The following SLC2A10 variants were observed in gnomAD, a reference collection of about 807,000 sequenced individuals.
SLC2A10 encodes solute carrier family 2, facilitated glucose transporter member 10.
Under a neutral mutation model 32.1 loss-of-function variants are expected in SLC2A10, and 25 were observed. That is an observed-to-expected ratio of 0.78 (90% CI 0.57 to 1.09). The LOEUF is 1.09. Ranked by LOEUF, SLC2A10 falls within the 50% of genes least tolerant of loss-of-function variation. SLC2A10 has a pLI of 0.00. For missense variants in SLC2A10, 673 were observed against 686.5 expected (o/e 0.98, Z 0.22); for synonymous variants, 332 against 309.6 (o/e 1.07, Z -0.76).
At chr20:46,714,898 C>A (rs1468969543) in intron 1 of SLC2A10, among the ~76,000 whole-genome samples, 2 of 152,194 alleles carry the variant, frequency 1.3e-5, no homozygotes, top group Non-Finnish European at 2.9e-5. Flanking sequence ...TTGGGGTTTT[C>A]CTGAGAGCTC....
rs879484986 is a variant in SLC2A10 at position 46,709,908 on chromosome 20, G to C, written c.4+168G>C. On this transcript the variant is annotated intron_variant, in intron 1 of 4. Coordinates refer to ENST00000359271, the MANE Select transcript of SLC2A10 (RefSeq NM_030777.4). ...CCGAGACTGCAGGCCTGCGGCGGGG[G>C]CTGGGACGGGGCTCGGTCGCGCTTC... 5.7e-6 allele frequency: 4 copies of C among 706,472 alleles called. No individual in the cohort carries two copies. In the East Asian group the frequency reaches 1.0e-4, roughly 18 times the overall value. 43.8% of individuals were successfully genotyped at this position (706,472 alleles called of 1,614,324 possible).
upstream of SLC2A10, chr20:46,709,567 G>T: frequency 1.2e-6 from 1 of 827,610 alleles, no homozygotes; most frequent in Non-Finnish European, 1.7e-6. Context: ...CTCGGGGCCT[G>T]GCTGGCCGAC....
At chr20:46,721,414 G>A (rs185635142) in intron 1 of SLC2A10, among the ~76,000 whole-genome samples, 23 of 151,576 alleles carry the variant, frequency 1.5e-4, no homozygotes, top group African/African-American at 4.8e-4. Context: ...ATGACTTGGG[G>A]GCCCTACAAA....
At chr20:46,712,651 C>CTTTT (rs11477202) in intron 1 of SLC2A10, among the ~76,000 whole-genome samples, 1,752 of 94,330 alleles carry the variant, frequency 0.019, no homozygotes, top group African/African-American at 0.021. Flanking sequence ...TTCTTTCTTT[C>CTTTT]TTTTTTTTTT....
intron 1 of SLC2A10, among the ~76,000 whole-genome samples, chr20:46,713,819 T>C (rs1477463104): frequency 1.3e-5 from 2 of 152,166 alleles, no homozygotes; most frequent in African/African-American, 4.8e-5. Context: ...AGGGCAGGGC[T>C]GGGGCCCCGG....
chr20:46,709,624 G>A, upstream of SLC2A10: 1 of 1,369,192 alleles, frequency 7.3e-7, no homozygotes. Context: ...AGGAGGGACA[G>A]AGGCGGGGGC....
In SLC2A10 at chr20:46,724,668, TGGA is replaced by T. The variant is rs1568984426; in HGVS notation, c.5-372_5-370del. On this transcript the variant is annotated intron_variant, in intron 1 of 4. Coordinates refer to ENST00000359271, the MANE Select transcript of SLC2A10 (RefSeq NM_030777.4). ...ATGGATGGATGGATGGATGGATGGATGGATGGTTGGAGTGGATGGATAGATGGA... is the reference window on the plus strand; with the variant it reads ...ATGGATGGATGGATGGATGGATGGATTGGTTGGAGTGGATGGATAGATGGA... Among the ~76,000 whole-genome samples, 673 of 149,570 alleles carry T rather than the reference TGGA, an allele frequency of 4.5e-3. 3 individuals carry two copies. Among genetic ancestry groups the T allele is most frequent in the African/African-American group, 0.014 (579 of 40,290 alleles).
At chr20:46,716,593 C>CA (rs1326123423) in intron 1 of SLC2A10, among the ~76,000 whole-genome samples, 2 of 152,092 alleles carry the variant, frequency 1.3e-5, no homozygotes, top group African/African-American at 4.8e-5. Context: ...TAGATGCTTC[C>CA]AGAAATATAT....
chr20:46,714,032 T>C (rs1451385162), intron 1 of SLC2A10, among the ~76,000 whole-genome samples: 1 of 151,912 alleles, frequency 6.6e-6, no homozygotes, highest in Non-Finnish European at 1.5e-5. Context: ...GGTACTTGGG[T>C]ACTGAGATTA....
chr20:46,723,792 C>A (rs1160316162), intron 1 of SLC2A10, among the ~76,000 whole-genome samples: 3 of 152,220 alleles, frequency 2.0e-5, no homozygotes, highest in Admixed American at 2.0e-4. Context: ...AAGGTCCTCA[C>A]TTTAGCCACA....
chr20:46,714,250 C>T (rs1002065346), intron 1 of SLC2A10, among the ~76,000 whole-genome samples: 2 of 152,124 alleles, frequency 1.3e-5, no homozygotes, highest in African/African-American at 4.8e-5. Context: ...ACACCCGGTC[C>T]GACTCTCACT....
intron 4 of SLC2A10, among the ~76,000 whole-genome samples, chr20:46,731,177 A>C (rs768471480): frequency 6.6e-6 from 1 of 152,154 alleles, no homozygotes; most frequent in African/African-American, 2.4e-5. Context: ...GAGCTCATGT[A>C]GGGTCCCAGG....
intron 1 of SLC2A10, among the ~76,000 whole-genome samples, chr20:46,721,986 C>T (rs945091472): frequency 2.0e-5 from 3 of 152,116 alleles, no homozygotes; most frequent in Non-Finnish European, 2.9e-5. Flanking sequence ...GATTTGTTTC[C>T]ATGTGGAAGC....
rs1339235515 is a variant in SLC2A10, at chr20:46,724,672, TG to T, written c.5-367del. 4.6e-3 allele frequency among the ~76,000 whole-genome samples: 674 copies of T among 145,542 alleles called. 3 individuals are homozygous for T. The highest frequency in any genetic ancestry group is 0.015 in the African/African-American group (580 of 38,618). On this transcript the variant is annotated intron_variant, in intron 1 of 4. Coordinates refer to ENST00000359271, the MANE Select transcript of SLC2A10 (RefSeq NM_030777.4). ...ATGGATGGATGGATGGATGGATGGA[TG>T]GTTGGAGTGGATGGATAGATGGATA...
chr20:46,730,769 A>G (rs998422), intron 4 of SLC2A10, among the ~76,000 whole-genome samples: 53,708 of 151,962 alleles, frequency 0.35, 10,807 homozygotes, highest in East Asian at 0.58. Flanking sequence ...AAGAAGAGTG[A>G]AATGGGAGCT....
chr20:46,735,337 T>C lies in SLC2A10; in HGVS notation c.*1503T>C, dbSNP rs1980516503. On this transcript the variant is annotated 3_prime_UTR_variant, in exon 5 of 5. Transcript: ENST00000359271. Reference sequence around the variant, plus strand: ...TATCCAGTGATGTGCTGGAGCTGGCTTTGCCAAGCTTGTGAGAGCTGGTTG... The same window carrying C: ...TATCCAGTGATGTGCTGGAGCTGGCCTTGCCAAGCTTGTGAGAGCTGGTTG... The C allele has an allele frequency of 6.6e-6, 1 of 152,652 alleles. No homozygotes were observed. Among genetic ancestry groups the C allele is most frequent in the Non-Finnish European group, 1.5e-5 (1 of 68,046 alleles). 9.5% of individuals were successfully genotyped at this position (152,652 alleles called of 1,614,324 possible).
Position 46,726,907 on chromosome 20 carries a change from A to T in SLC2A10, c.1332A>T (p.Arg444=). The change falls in exon 3 of 5, where the codon CGA becomes CGT. Residue 444 remains arginine, a synonymous_variant. Transcript: ENST00000359271. ...GCGAGATCTACCCTGTGGAGATACG[A>T]GGAAGAGCCTTCGCCTTCTGCAACA... ...VLSEIYPVEI[R]GRAFAFCNSF... 1 of 1,614,180 alleles carries T rather than the reference A, an allele frequency of 6.2e-7. No individual in the cohort carries two copies. The highest frequency in any genetic ancestry group is 1.7e-5 in the Admixed American group (1 of 60,022).
chr20:46,718,843 A>G (rs1364606518), intron 1 of SLC2A10, among the ~76,000 whole-genome samples: 1 of 152,146 alleles, frequency 6.6e-6, no homozygotes, highest in East Asian at 1.9e-4. Flanking sequence ...TGGTGTGATC[A>G]TAGCTCACTG....
intron 1 of SLC2A10, among the ~76,000 whole-genome samples, chr20:46,721,523 C>T (rs901300997): frequency 1.3e-5 from 2 of 151,566 alleles, no homozygotes; most frequent in Admixed American, 1.3e-4. Flanking sequence ...TAATTGGGAG[C>T]TTTTAAATTA....
Sources: allele counts gnomAD v4.1 joint callset (sites outside exome capture counted in the v4.1 genomes callset), GRCh38; gene constraint gnomAD v4.1.1; transcripts MANE v1.5; gene names NCBI Gene and HGNC (gene_info 2026-07-23, HGNC 2026-07-21).